ERP27: variants seen among roughly 807,000 people sequenced by gnomAD.
The protein encoded by ERP27 is endoplasmic reticulum protein 27, also known as endoplasmic reticulum resident protein 27.
A neutral mutation model predicts 27.7 loss-of-function variants in ERP27; 23 were observed. The observed-to-expected ratio is 0.83, with a 90% CI of 0.60 to 1.18. The LOEUF is 1.18. Among genes scored for constraint, ERP27 ranks in the 50% most tolerant of loss-of-function variants. The pLI is 0.00. For missense variants in ERP27, 363 were observed against 327.9 expected, an observed-to-expected ratio of 1.11 and a Z score of -0.83; for synonymous variants, 159 against 118.3, an observed-to-expected ratio of 1.34 and a Z score of -2.23.
At chr12:14,927,113 G>C (rs1863614392) in intron 3 of ERP27, among the ~76,000 whole-genome samples, 2 of 152,086 alleles carry the variant, frequency 1.3e-5, no homozygotes, top group South Asian at 4.1e-4. Flanking sequence ...GCATTCCACT[G>C]TTGCTATTGA....
At chr12:14,938,132 A>G in intron 1 of ERP27, 80 bp from the exon 2 acceptor site, 1 of 1,168,398 alleles carries the variant, frequency 8.6e-7, no homozygotes, top group Non-Finnish European at 1.3e-6. Flanking sequence ...TATACCTTTT[A>G]TCTCTATACT....
rs947814992 is a variant in ERP27, at chr12:14,917,267, G to T, written c.487C>A (p.His163Asn). The change falls in exon 5 of 7, where the codon CAT becomes AAT. Residue 163 changes from histidine (H) to asparagine (N), a missense_variant. His to Asn is a moderately conservative substitution (Grantham distance 68). Transcript: ENST00000266397. ...IGLFNSVIQI[H>N]LLLIMNKASP... ...GCCTTGTTCATTATCAGGAGGAGAT[G>T]AATCTGAATTACGCTGTTGAATAAC... is the stretch of plus-strand genomic sequence containing the variant. The T allele has an allele frequency of 6.2e-7, 1 of 1,614,056 alleles. No homozygotes were observed. The highest frequency in any genetic ancestry group is 8.5e-7 in the Non-Finnish European group (1 of 1,180,016).
At chr12:14,935,977 C>T (rs11056245) in intron 2 of ERP27, among the ~76,000 whole-genome samples, 37,400 of 152,060 alleles carry the variant, frequency 0.25, 5,561 homozygotes, top group Non-Finnish European at 0.35. Context: ...CTCCCTCAGG[C>T]TCCCAAAGTG....
At chr12:14,914,811 G>C (rs1863383372) in intron 6 of ERP27, 29 bp from the exon 7 acceptor site, 1 of 1,584,668 alleles carries the variant, frequency 6.3e-7, no homozygotes, top group Non-Finnish European at 8.7e-7. Context: ...ATGATATTTA[G>C]ATTAGTAAAC....
At chr12:14,935,721 A>C (rs755093472) in intron 2 of ERP27, among the ~76,000 whole-genome samples, 1 of 152,126 alleles carries the variant, frequency 6.6e-6, no homozygotes, top group Non-Finnish European at 1.5e-5. Flanking sequence ...GTAGTGGCTT[A>C]AGATGTACTT....
intron 4 of ERP27, among the ~76,000 whole-genome samples, chr12:14,918,252 A>G (rs1372450863): frequency 6.6e-6 from 1 of 152,222 alleles, no homozygotes; most frequent in African/African-American, 2.4e-5. Flanking sequence ...GCTCTTGATC[A>G]TCAGGATGGA....
chr12:14,916,137 G>C (rs916612648), intron 5 of ERP27, among the ~76,000 whole-genome samples: 8 of 152,036 alleles, frequency 5.3e-5, no homozygotes, highest in Non-Finnish European at 1.2e-4. Context: ...GTTCAACTAC[G>C]TAATAAGCCT....
At chr12:14,927,933 A>C (rs1169042887) in intron 3 of ERP27, among the ~76,000 whole-genome samples, 1 of 152,162 alleles carries the variant, frequency 6.6e-6, no homozygotes, top group African/African-American at 2.4e-5. Context: ...TCATTCTTCC[A>C]ATCATTGTTC....
chr12:14,917,086 T>C, intron 5 of ERP27, 92 bp downstream of exon 5: 3 of 1,484,046 alleles, frequency 2.0e-6, no homozygotes, highest in Non-Finnish European at 2.8e-6. Flanking sequence ...CATAGTTGTT[T>C]TCCTTATTTA....
At position 14,915,724 on chromosome 12, in the gene ERP27, G is replaced by A; in HGVS notation, c.577-38C>T. The A allele has an allele frequency of 1.9e-6, 3 of 1,583,802 alleles. No individual in the cohort carries two copies. The Admixed American group carries it at 5.0e-5, about 27-fold the overall frequency. Reference sequence around the variant, plus strand: ...AAGTTTGAAAGAAAAAGTTCTATCTGAGGTGACGTCCAGGGATAAAGAGAT... The same window carrying A: ...AAGTTTGAAAGAAAAAGTTCTATCTAAGGTGACGTCCAGGGATAAAGAGAT... On this transcript the variant is annotated intron_variant, in intron 5 of 6. Coordinates refer to ENST00000266397, the MANE Select transcript of ERP27 (RefSeq NM_152321.4).
chr12:14,935,598 C>G (rs1020871871), intron 2 of ERP27, among the ~76,000 whole-genome samples: 1 of 152,174 alleles, frequency 6.6e-6, no homozygotes, highest in Non-Finnish European at 1.5e-5. Context: ...CAAAGAAGTT[C>G]CCAACTTCCT....
At chr12:14,921,117 A>C in intron 3 of ERP27, 69 bp from the exon 4 acceptor site, 1 of 1,300,032 alleles carries the variant, frequency 7.7e-7, no homozygotes, top group South Asian at 1.2e-5. Context: ...ACGTCTTTAG[A>C]CCCCCATGTG....
At chr12:14,918,745 C>T (rs1028706296) in intron 4 of ERP27, among the ~76,000 whole-genome samples, 1 of 152,152 alleles carries the variant, frequency 6.6e-6, no homozygotes, top group African/African-American at 2.4e-5. Context: ...CTTTTGGCTG[C>T]CTACAATATG....
intron 3 of ERP27, among the ~76,000 whole-genome samples, chr12:14,923,695 C>T (rs1863550785): frequency 6.6e-6 from 1 of 151,950 alleles, no homozygotes; most frequent in South Asian, 2.1e-4. Flanking sequence ...TGTTTGAAGT[C>T]TTTTTCCTAT....
intron 3 of ERP27, among the ~76,000 whole-genome samples, chr12:14,922,278 C>T (rs1216318324): frequency 6.6e-6 from 1 of 152,104 alleles, no homozygotes; most frequent in Non-Finnish European, 1.5e-5. Flanking sequence ...CCCATTGCTC[C>T]ACATCCTTGT....
chr12:14,924,211 T>C (rs1565451021), intron 3 of ERP27, among the ~76,000 whole-genome samples: 1 of 152,208 alleles, frequency 6.6e-6, no homozygotes. Context: ...AGAACTTCAC[T>C]CTTTTTTATG....
intron 3 of ERP27, among the ~76,000 whole-genome samples, chr12:14,927,324 C>T (rs114460501): frequency 0.028 from 4,259 of 150,440 alleles, 198 homozygotes; most frequent in African/African-American, 0.097. Context: ...TGTGTGTGTG[C>T]GTGTGTGCAT....
Position 14,921,191 on chromosome 12 carries a change from G to C in ERP27, c.334-143C>G, listed in dbSNP as rs186113405. On this transcript the variant is annotated intron_variant, in intron 3 of 6. Coordinates refer to ENST00000266397, the MANE Select transcript of ERP27 (RefSeq NM_152321.4). The stretch of plus-strand genomic sequence containing the variant: ...TAAGAGAGTTTCTCTGCCCTAGGGG[G>C]ACAAACTGTCCTGTAGACTCCAAAA... 2.3e-4 allele frequency: 149 copies of C among 657,992 alleles called. 1 individual carries two copies. Among genetic ancestry groups the C allele is most frequent in the Middle Eastern group, 1.3e-3 (3 of 2,344 alleles). 40.8% of individuals were successfully genotyped at this position (657,992 alleles called of 1,614,324 possible).
At position 14,914,801 on chromosome 12, in the gene ERP27, A is replaced by G. The variant is rs1219958589; in HGVS notation, c.775-19T>C. ...TTTCTTTCTGGAAAACATTATAACA[A>G]TGATATTTAGATTAGTAAACTGAGC... On this transcript the variant is annotated intron_variant, in intron 6 of 6. Coordinates refer to ENST00000266397, the MANE Select transcript of ERP27 (RefSeq NM_152321.4). 1 of 1,604,656 alleles carries G rather than the reference A, an allele frequency of 6.2e-7. No homozygotes were observed. Among genetic ancestry groups the G allele is most frequent in the Admixed American group, 1.7e-5 (1 of 59,762 alleles).
Sources: allele counts gnomAD v4.1 joint callset (sites outside exome capture counted in the v4.1 genomes callset), GRCh38; gene constraint gnomAD v4.1.1; transcripts MANE v1.5; gene names NCBI Gene and HGNC (gene_info 2026-07-23, HGNC 2026-07-21).